The following MNX1 variants were observed in gnomAD, a reference collection of about 807,000 sequenced individuals.
MNX1 encodes motor neuron and pancreas homeobox protein 1.
In MNX1, 2 loss-of-function variants were observed where a neutral mutation model predicts 17.3. The observed-to-expected ratio is 0.12, with a 90% CI of 0.05 to 0.36. The LOEUF (loss-of-function observed/expected upper bound fraction) is 0.36, where lower values mean the gene tolerates loss of function less well. Among genes scored for constraint, MNX1 ranks in the 10% least tolerant of loss-of-function variants. MNX1 has a pLI of 1.00. For synonymous variants in MNX1, 306 were observed against 283.1 expected, an observed-to-expected ratio of 1.08 and a Z score of -0.81; for missense variants, 556 against 564.7, an observed-to-expected ratio of 0.98 and a Z score of 0.16.
At chr7:157,009,314 G>C (rs919838379) in intron 1 of MNX1, 132 of 1,414,680 alleles carry the variant, frequency 9.3e-5, no homozygotes, top group Non-Finnish European at 1.1e-4. Flanking sequence ...CCCATTCCCG[G>C]GCCTGCCTAA....
chr7:157,006,937 G>A lies in MNX1; in HGVS notation c.692-298C>T. The A allele has an allele frequency of 3.6e-6, 1 of 277,340 alleles. No homozygotes were observed. Among genetic ancestry groups the A allele is most frequent in the Admixed American group, 5.2e-5 (1 of 19,398 alleles). 17.2% of individuals were successfully genotyped at this position (277,340 alleles called of 1,614,324 possible). A position where few individuals can be genotyped will look rare whatever the true frequency, so the allele number is the denominator to read the frequency against. ...CGCAGGAGGCTTCCTCTCCACAGGAGCCGGCTTTGGTAGCAGTGGATTGAC... is the reference window on the plus strand; with the variant it reads ...CGCAGGAGGCTTCCTCTCCACAGGAACCGGCTTTGGTAGCAGTGGATTGAC... On this transcript the variant is annotated intron_variant, in intron 1 of 2. Transcript: ENST00000252971. The surrounding 1 kb of genome is among the most constrained non-coding windows in gnomAD (Gnocchi z 6.3).
Position 157,005,488 on chromosome 7 carries a change from G to A in MNX1, c.*32C>T. On this transcript the variant is annotated 3_prime_UTR_variant, in exon 3 of 3. Coordinates refer to ENST00000252971, the MANE Select transcript of MNX1 (RefSeq NM_005515.4). Reference sequence around the variant, plus strand: ...GAGAAGCCGCCGGCCGGGGCGCTCCGTGCGCGCCGCACCTGCTGGGCCGCG... The same window carrying A: ...GAGAAGCCGCCGGCCGGGGCGCTCCATGCGCGCCGCACCTGCTGGGCCGCG... 2 of 1,284,028 alleles carry A rather than the reference G, an allele frequency of 1.6e-6. No homozygotes were observed. Among genetic ancestry groups the A allele is most frequent in the Non-Finnish European group, 2.0e-6 (2 of 1,020,502 alleles). 79.5% of individuals were successfully genotyped at this position (1,284,028 alleles called of 1,614,324 possible).
At position 157,010,381 on chromosome 7, in the gene MNX1, G is replaced by A. The variant is rs1269970249; in HGVS notation, c.-31C>T. 2 of 1,547,086 alleles carry A rather than the reference G, an allele frequency of 1.3e-6. No individual in the cohort carries two copies. Among genetic ancestry groups the A allele is most frequent in the Admixed American group, 1.8e-5 (1 of 54,816 alleles). ...CGTTTGGGGCTGGCGCTCAGGGCCC[G>A]GTGGCGGGCGACGCGGCCGTGTGCG... On this transcript the variant is annotated 5_prime_UTR_variant, in exon 1 of 3. Coordinates refer to ENST00000252971, the MANE Select transcript of MNX1 (RefSeq NM_005515.4).
In MNX1 at chr7:157,005,555, G is replaced by T. The variant is rs767605620; in HGVS notation, c.1171C>A (p.Pro391Thr). 109 of 1,553,942 alleles carry T rather than the reference G, an allele frequency of 7.0e-5. No homozygotes were observed. Among genetic ancestry groups the T allele is most frequent in the Non-Finnish European group, 9.2e-5 (106 of 1,155,098 alleles). ...GCGGGCTGGTGGCTGGGCCGCGGGG[G>T]CGGCGAGTCGTCCTCCGAGGAGCAG... ...SDCSSEDDSPPPRPSHQPAPQ is the reference protein window; with the variant it reads ...SDCSSEDDSPTPRPSHQPAPQ The change falls in exon 3 of 3, where the codon CCC becomes ACC. Residue 391 changes from proline to threonine, a missense_variant. By Grantham distance (38) the Pro-to-Thr change is conservative (BLOSUM62 -1). This residue lies in a region of MNX1 where 178 missense variants were observed against 155.2 expected (regional missense o/e 1.15). Transcript: ENST00000252971.
In MNX1 at chr7:157,006,654, G is replaced by A. The variant is rs1169984884; in HGVS notation, c.692-15C>T. 2 of 1,572,464 alleles carry A rather than the reference G, an allele frequency of 1.3e-6. No homozygotes were observed. The highest frequency in any genetic ancestry group is 1.2e-5 in the South Asian group (1 of 86,060). ...CTGCGCCTGGGCTGGGGACCAAAGG[G>A]CAGTGAGGCCCACAGCCGGCTCCGG... is the stretch of plus-strand genomic sequence containing the variant. On this transcript the variant is annotated splice_polypyrimidine_tract_variant and intron_variant, in intron 1 of 2. Coordinates refer to ENST00000252971, the MANE Select transcript of MNX1 (RefSeq NM_005515.4). This position sits in a 1 kb window ranked among gnomAD's most constrained non-coding sequence, Gnocchi z 6.3.
chr7:157,009,842 G>A lies in MNX1; in HGVS notation c.509C>T (p.Ala170Val). The A allele has an allele frequency of 1.3e-6, 2 of 1,511,862 alleles. No individual in the cohort carries two copies. Among genetic ancestry groups the A allele is most frequent in the South Asian group, 1.2e-5 (1 of 81,682 alleles). The allele number at this position is 1,511,862 out of a possible 1,614,324, so 93.7% of individuals were successfully genotyped here. ...CTGGCCCGCCAGCGCAGCCGCCGCC[G>A]CCGCCGCGGAGTAGCCGTAGACCGG... ...GHPVYGYSAA[A>V]AAAALAGQHP... Residue 170 changes from alanine (A) to valine (V), a missense_variant, in exon 1 of 3, where the codon GCG (alanine) becomes GTG (valine). This residue lies in a region of MNX1 where 210 missense variants were observed against 211.3 expected (regional missense o/e 0.99). Coordinates refer to ENST00000252971, the MANE Select transcript of MNX1 (RefSeq NM_005515.4).
At chr7:157,009,402 C>A (rs545859978) in intron 1 of MNX1, 2 of 1,425,314 alleles carry the variant, frequency 1.4e-6, no homozygotes, top group Admixed American at 5.8e-5. Flanking sequence ...AGATCTCAGT[C>A]TCACACCTCC....
At chr7:157,007,426 C>T (rs1421253366) in intron 1 of MNX1, 1 of 152,504 alleles carries the variant, frequency 6.6e-6, no homozygotes, top group African/African-American at 2.4e-5. Flanking sequence ...AACCCAGGGT[C>T]CAAGTCTGTG....
rs752197777 is a variant in MNX1, at chr7:157,010,266, C to T, written c.85G>A (p.Ala29Thr). ...RAASAQSAPL[A>T]LVTSLAAAAS... ...GCGGCGGCGAGCGACGTGACCAAGG[C>T]CAGCGGCGCGCTCTGCGCAGAGGCG... The change falls in exon 1 of 3, where the codon GCC becomes ACC. Residue 29 changes from alanine (A) to threonine (T), a missense_variant. Physicochemically the swap from Ala to Thr is moderately conservative, Grantham distance 58 (BLOSUM62 0). Around this residue, in one of 7 missense-constraint regions of MNX1, gnomAD observed 45 missense variants for 42.0 expected, o/e 1.07. Transcript: ENST00000252971. The T allele has an allele frequency of 1.3e-6, 2 of 1,506,488 alleles. No individual in the cohort carries two copies. The highest frequency in any genetic ancestry group is 1.3e-5 in the South Asian group (1 of 79,814). The allele number at this position is 1,506,488 out of a possible 1,614,324, so 93.3% of individuals were successfully genotyped here.
At position 157,009,803 on chromosome 7, in the gene MNX1, G is replaced by A; in HGVS notation, c.548C>T (p.Ser183Phe). The change falls in exon 1 of 3, where the codon TCC (serine) becomes TTC (phenylalanine). Residue 183 changes from serine to phenylalanine, a missense_variant. Physicochemically the swap from Ser to Phe is radical, Grantham distance 155 (BLOSUM62 -2). Around this residue, in one of 7 missense-constraint regions of MNX1, gnomAD observed 210 missense variants for 211.3 expected, o/e 0.99. Transcript: ENST00000252971. ...AALAGQHPAL[S>F]YSYPQVQGAH... ...GCCTTGCACCTGCGGGTACGAGTAG[G>A]AGAGCGCCGGGTGCTGGCCCGCCAG... 1 of 1,552,596 alleles carries A rather than the reference G, an allele frequency of 6.4e-7. No individual in the cohort carries two copies. The highest frequency in any genetic ancestry group is 8.6e-7 in the Non-Finnish European group (1 of 1,156,206).
At chr7:157,005,934 G>T (rs1385567264) in intron 2 of MNX1, 61 bp from the exon 3 acceptor site, 1 of 1,592,196 alleles carries the variant, frequency 6.3e-7, no homozygotes, top group Non-Finnish European at 8.5e-7. Flanking sequence ...CCTGTCCCCG[G>T]AGTCCCCCGG....
chr7:157,009,754 G>A lies in MNX1; in HGVS notation c.597C>T (p.Asp199=). ...AGGTGCCGGCGCCCAGCTTGATGGG[G>A]TCGGCGGGGTGCGCGGGGTGCGCGC... ...VQGAHPAHPA[D]PIKLGAGTFQ... The change falls in exon 1 of 3, where the codon GAC becomes GAT. Residue 199 remains aspartate, a synonymous_variant. Coordinates refer to ENST00000252971, the MANE Select transcript of MNX1 (RefSeq NM_005515.4). The A allele has an allele frequency of 1.2e-6, 2 of 1,605,114 alleles. No individual in the cohort carries two copies. Among genetic ancestry groups the A allele is most frequent in the Non-Finnish European group, 8.5e-7 (1 of 1,178,112 alleles).
In MNX1 at chr7:157,005,553, G is replaced by C. The variant is rs1478162320; in HGVS notation, c.1173C>G (p.Pro391=). The change falls in exon 3 of 3, where the codon CCC becomes CCG. Residue 391 remains proline, a synonymous_variant. Transcript: ENST00000252971. ...GCGCGGGCTGGTGGCTGGGCCGCGG[G>C]GGCGGCGAGTCGTCCTCCGAGGAGC... The part of the protein sequence containing the change: ...SDCSSEDDSP[P]PRPSHQPAPQ 1 of 1,551,662 alleles carries C rather than the reference G, an allele frequency of 6.4e-7. No individual in the cohort carries two copies. Among genetic ancestry groups the C allele is most frequent in the South Asian group, 1.2e-5 (1 of 84,698 alleles).
In MNX1 at chr7:157,005,008, C is replaced by T. The variant is rs191674267; in HGVS notation, c.*512G>A. 2.3e-4 allele frequency: 50 copies of T among 221,674 alleles called. No homozygotes were observed. The Admixed American group carries it at 2.7e-3, about 12-fold the overall frequency. The allele number at this position is 221,674 out of a possible 1,614,324, so 13.7% of individuals were successfully genotyped here. ...GTTTTGAGATTTCCAGCAGTTTGAA[C>T]GCTCGTGACATAATCCCCCCGACCC... On this transcript the variant is annotated 3_prime_UTR_variant, in exon 3 of 3. Transcript: ENST00000252971.
chr7:157,006,491 G>T lies in MNX1; in HGVS notation c.840C>A (p.Leu280=). The T allele has an allele frequency of 6.2e-7, 1 of 1,610,868 alleles. No homozygotes were observed. The change falls in exon 2 of 3, where the codon CTC becomes CTA. Residue 280 remains leucine (L), a synonymous_variant. Transcript: ENST00000252971. This position sits in a 1 kb window ranked among gnomAD's most constrained non-coding sequence, Gnocchi z 6.3. ...GGAGGGCGCGCACCTGGGTCTCGGT[G>T]AGCATGAGCGAGGTGGCCACCTCGA... ...KRFEVATSLM[L]TETQVKIWFQ...
At chr7:157,008,194 C>G (rs1373526024) in intron 1 of MNX1, 1 of 152,176 alleles carries the variant, frequency 6.6e-6, no homozygotes, top group African/African-American at 2.4e-5. Flanking sequence ...AGAAAGCACC[C>G]CTAGGAGGCC....
rs866758237 is a variant in MNX1 at position 157,006,994 on chromosome 7, G to C, written c.692-355C>G. On this transcript the variant is annotated intron_variant, in intron 1 of 2. Coordinates refer to ENST00000252971, the MANE Select transcript of MNX1 (RefSeq NM_005515.4). This position sits in a 1 kb window ranked among gnomAD's most constrained non-coding sequence, Gnocchi z 6.3. ...GCAAGAGGAGAACTGAGGCCAGTCG[G>C]GGGCCAGGAAGGGAGGTTCCGGGAA... The C allele has an allele frequency of 2.6e-4, 54 of 206,330 alleles. No homozygotes were observed. The highest frequency in any genetic ancestry group is 5.8e-4 in the South Asian group (6 of 10,388). 12.8% of individuals were successfully genotyped at this position (206,330 alleles called of 1,614,324 possible). A position where few individuals can be genotyped will look rare whatever the true frequency, so the allele number is the denominator to read the frequency against.
chr7:157,008,988 C>T, intron 1 of MNX1: 1 of 1,537,058 alleles, frequency 6.5e-7, no homozygotes, highest in Non-Finnish European at 8.7e-7. Context: ...CTTGGAGGGG[C>T]ATTCGTTACC....
In MNX1 at chr7:157,006,848, G is replaced by C; in HGVS notation, c.692-209C>G. 3.3e-5 allele frequency: 12 copies of C among 362,126 alleles called. No homozygotes were observed. The highest frequency in any genetic ancestry group is 9.6e-5 in the African/African-American group (2 of 20,922). The allele number at this position is 362,126 out of a possible 1,614,324, so 22.4% of individuals were successfully genotyped here. On this transcript the variant is annotated intron_variant, in intron 1 of 2. Coordinates refer to ENST00000252971, the MANE Select transcript of MNX1 (RefSeq NM_005515.4). The surrounding 1 kb of genome is among the most constrained non-coding windows in gnomAD (Gnocchi z 6.3). ...GAAATGGATAGTTTGGAGTTAATGAGACCAATTTTTTTTTTTTTTTTTGTC... is the reference window on the plus strand; with the variant it reads ...GAAATGGATAGTTTGGAGTTAATGACACCAATTTTTTTTTTTTTTTTTGTC...
Sources: allele counts gnomAD v4.1 joint callset, GRCh38; gene constraint gnomAD v4.1.1; regional missense constraint gnomAD v4.1.1; non-coding constraint Gnocchi (gnomAD v3.1); transcripts MANE v1.5; gene names NCBI Gene and HGNC (gene_info 2026-07-23, HGNC 2026-07-21).